Variants in LINGO2 observed in about 807,000 individuals in gnomAD.
LINGO2 encodes leucine-rich repeat and immunoglobulin-like domain-containing nogo receptor-interacting protein 2.
A neutral mutation model predicts 30.6 loss-of-function variants in LINGO2; 14 were observed. That is an observed-to-expected ratio of 0.46 (90% CI 0.30 to 0.72). The LOEUF is 0.72. LINGO2 is among the 30% of genes least tolerant of loss of function. LINGO2 has a pLI of 0.07. For synonymous variants in LINGO2, 317 were observed against 288.5 expected (o/e 1.10, Z -1.00); for missense variants, 729 against 751.7 (o/e 0.97, Z 0.35).
intron 2 of LINGO2, among the ~76,000 whole-genome samples, chr9:28,462,295 G>T (rs1485101443): frequency 1.3e-5 from 2 of 151,336 alleles, no homozygotes; most frequent in African/African-American, 2.4e-5. Flanking sequence ...CAGAATTATG[G>T]CAGATAATTT....
intron 4 of LINGO2, among the ~76,000 whole-genome samples, chr9:28,105,123 G>C (rs1826544899): frequency 6.6e-6 from 1 of 152,154 alleles, no homozygotes; most frequent in Non-Finnish European, 1.5e-5. Context: ...TAGACATCTA[G>C]AGAGAAAGTA....
the LINGO2 span, among the ~76,000 whole-genome samples, chr9:28,734,185 T>C: frequency 1.3e-5 from 2 of 152,172 alleles, no homozygotes; most frequent in African/African-American, 4.8e-5. Context: ...ATCAGGGTTA[T>C]GTGAACACAA....
chr9:28,470,258 T>G (rs1825468864), intron 2 of LINGO2, among the ~76,000 whole-genome samples: 1 of 152,190 alleles, frequency 6.6e-6, no homozygotes, highest in Non-Finnish European at 1.5e-5. Context: ...TGTCATATAT[T>G]TTACCAAAAT....
chr9:28,152,415 C>T (rs1397042219), intron 4 of LINGO2, among the ~76,000 whole-genome samples: 2 of 152,094 alleles, frequency 1.3e-5, no homozygotes, highest in Admixed American at 6.5e-5. Context: ...GTTGCAGATG[C>T]CAGCGCGCCA....
chr9:29,003,492 A>G, the LINGO2 span, among the ~76,000 whole-genome samples: 1 of 151,986 alleles, frequency 6.6e-6, no homozygotes, highest in South Asian at 2.1e-4. Flanking sequence ...GGGGAGAGCA[A>G]GAGAAAAAAG....
At chr9:28,950,666 T>A in the LINGO2 span, among the ~76,000 whole-genome samples, 2 of 151,798 alleles carry the variant, frequency 1.3e-5, no homozygotes, top group Non-Finnish European at 2.9e-5. Flanking sequence ...GAAAATAAAA[T>A]GCCTAGGAAT....
chr9:28,018,830 C>A (rs1822970150), intron 4 of LINGO2, among the ~76,000 whole-genome samples: 1 of 152,098 alleles, frequency 6.6e-6, no homozygotes, highest in South Asian at 2.1e-4. Flanking sequence ...CCCAGCAACC[C>A]ATTATTGGGT....
intron 4 of LINGO2, among the ~76,000 whole-genome samples, chr9:28,105,374 T>C (rs1465152320): frequency 1.3e-5 from 2 of 152,160 alleles, no homozygotes; most frequent in Non-Finnish European, 2.9e-5. Flanking sequence ...GGGAGTATCA[T>C]GATGAACAAG....
the LINGO2 span, among the ~76,000 whole-genome samples, chr9:28,838,850 G>A: frequency 3.3e-5 from 5 of 152,186 alleles, no homozygotes; most frequent in African/African-American, 9.7e-5. Context: ...TAAGACAGGC[G>A]CAGAGCAGCA....
chr9:28,457,043 T>C (rs1176473350), intron 2 of LINGO2, among the ~76,000 whole-genome samples: 1 of 152,158 alleles, frequency 6.6e-6, no homozygotes, highest in African/African-American at 2.4e-5. Flanking sequence ...CAAAGTGCTA[T>C]AAACTAGCCA....
chr9:28,938,330 A>G, the LINGO2 span, among the ~76,000 whole-genome samples: 1 of 152,144 alleles, frequency 6.6e-6, no homozygotes, highest in Non-Finnish European at 1.5e-5. Flanking sequence ...TTTTTTAATA[A>G]TATGCATTGG....
At chr9:28,407,420 T>C (rs1822559376) in intron 2 of LINGO2, among the ~76,000 whole-genome samples, 2 of 152,172 alleles carry the variant, frequency 1.3e-5, no homozygotes, top group South Asian at 4.1e-4. Context: ...TTATTGCTCC[T>C]TAATGAATGG....
chr9:28,506,487 TACACACACACACAC>T (rs374238897), intron 1 of LINGO2, among the ~76,000 whole-genome samples: 1 of 40,414 alleles, frequency 2.5e-5, no homozygotes, highest in African/African-American at 6.8e-5. Context: ...CACATACACA[TACACACACACACAC>T]AGACATATAT....
chr9:28,414,631 T>C (rs1822899895), intron 2 of LINGO2, among the ~76,000 whole-genome samples: 1 of 152,004 alleles, frequency 6.6e-6, no homozygotes, highest in South Asian at 2.1e-4. Context: ...GCTGGACTGT[T>C]AAAATATAAA....
the LINGO2 span, among the ~76,000 whole-genome samples, chr9:28,717,087 G>A: frequency 6.6e-6 from 1 of 151,810 alleles, no homozygotes; most frequent in Non-Finnish European, 1.5e-5. Context: ...GTTAATATAT[G>A]ACCCCCAAGT....
the LINGO2 span, among the ~76,000 whole-genome samples, chr9:28,701,934 T>C: frequency 6.6e-6 from 1 of 151,962 alleles, no homozygotes; most frequent in Non-Finnish European, 1.5e-5. Flanking sequence ...AATGCACTTC[T>C]TTAATGCTGA....
At chr9:29,207,291 A>G in the LINGO2 span, among the ~76,000 whole-genome samples, 1 of 152,122 alleles carries the variant, frequency 6.6e-6, no homozygotes, top group Non-Finnish European at 1.5e-5. Context: ...AACATTTATC[A>G]CAAGGCACTG....
At chr9:28,714,188 T>TATATATATATATATAC in the LINGO2 span, among the ~76,000 whole-genome samples, 2 of 73,366 alleles carry the variant, frequency 2.7e-5, no homozygotes, top group African/African-American at 1.2e-4. Flanking sequence ...TATATATATA[T>TATATATATATATATAC]ACACACATAC....
intron 4 of LINGO2, among the ~76,000 whole-genome samples, chr9:28,055,458 T>G (rs1824884607): frequency 1.3e-5 from 2 of 152,148 alleles, no homozygotes; most frequent in African/African-American, 2.4e-5. Flanking sequence ...CAAGTCTGTT[T>G]GCATAAAATA....
Sources: gnomAD v4.1 joint callset for allele counts (sites outside exome capture counted in the v4.1 genomes callset) on GRCh38, gnomAD v4.1.1 for gene constraint, MANE v1.5 for transcripts, NCBI Gene and HGNC (gene_info 2026-07-23, HGNC 2026-07-21) for gene names.